Variants in XRCC4 observed in about 807,000 individuals in gnomAD.
XRCC4 encodes X-ray repair cross complementing 4.
A neutral mutation model predicts 39.1 loss-of-function variants in XRCC4; 28 were observed. The ratio of observed to expected loss-of-function variants is 0.72; its 90% CI spans 0.53 to 0.98. XRCC4 has a LOEUF of 0.98. Among genes scored for constraint, XRCC4 ranks in the 50% least tolerant of loss-of-function variants. XRCC4 has a pLI of 0.00. For synonymous variants in XRCC4, 123 were observed against 126.4 expected (o/e 0.97, Z 0.18); for missense variants, 350 against 376.4 (o/e 0.93, Z 0.58).
chr5:83,312,042 C>A (rs929367362), intron 7 of XRCC4, among the ~76,000 whole-genome samples: 1 of 152,170 alleles, frequency 6.6e-6, no homozygotes, highest in Admixed American at 6.5e-5. Flanking sequence ...AACATATATT[C>A]TGCCACCACC....
chr5:83,236,578 A>G (rs1428374441), intron 6 of XRCC4, among the ~76,000 whole-genome samples: 1 of 152,164 alleles, frequency 6.6e-6, no homozygotes, highest in Non-Finnish European at 1.5e-5. Context: ...TGGATTAAAG[A>G]CTTAAATGTG....
intron 4 of XRCC4, among the ~76,000 whole-genome samples, chr5:83,202,853 C>T (rs969758046): frequency 6.6e-6 from 1 of 152,044 alleles, no homozygotes; most frequent in Non-Finnish European, 1.5e-5. Context: ...AATACAATCC[C>T]TTGTTAGCTC....
At chr5:83,126,253 T>G (rs1277023059) in intron 3 of XRCC4, among the ~76,000 whole-genome samples, 4 of 152,164 alleles carry the variant, frequency 2.6e-5, no homozygotes, top group African/African-American at 9.6e-5. Flanking sequence ...GCCTAAGTAT[T>G]TCAGTCTTTT....
At chr5:83,325,513 A>G (rs1336648167) in intron 7 of XRCC4, among the ~76,000 whole-genome samples, 2 of 151,980 alleles carry the variant, frequency 1.3e-5, no homozygotes, top group African/African-American at 2.4e-5. Flanking sequence ...CATTGTGTCC[A>G]TGCGTTCTCA....
chr5:83,295,430 T>C (rs1292137582), intron 7 of XRCC4, among the ~76,000 whole-genome samples: 1 of 152,050 alleles, frequency 6.6e-6, no homozygotes, highest in African/African-American at 2.4e-5. Context: ...AAAAACTTTA[T>C]AAATAAGCTG....
the XRCC4 span, among the ~76,000 whole-genome samples, chr5:83,373,027 A>T: frequency 6.6e-6 from 1 of 152,150 alleles, no homozygotes; most frequent in African/African-American, 2.4e-5. Context: ...CCAAGGGACC[A>T]GTTCTTTCGG....
chr5:83,354,540 G>C (rs371643389), downstream of XRCC4, among the ~76,000 whole-genome samples: 28 of 152,236 alleles, frequency 1.8e-4, 1 homozygote, highest in South Asian at 5.8e-3. Flanking sequence ...AGTTTCTTAA[G>C]ATTTCTTAAA....
chr5:83,362,199 T>C, the XRCC4 span, among the ~76,000 whole-genome samples: 3 of 147,610 alleles, frequency 2.0e-5, no homozygotes, highest in African/African-American at 7.5e-5. Flanking sequence ...TCTAGTGAAG[T>C]AATATGATTA....
the XRCC4 span, among the ~76,000 whole-genome samples, chr5:83,370,887 T>C: frequency 6.6e-6 from 1 of 152,182 alleles, no homozygotes; most frequent in South Asian, 2.1e-4. Context: ...ATGCCAACTC[T>C]TTCTCCTGCT....
At chr5:83,272,981 A>C (rs1754195701) in intron 7 of XRCC4, among the ~76,000 whole-genome samples, 1 of 152,200 alleles carries the variant, frequency 6.6e-6, no homozygotes, top group Non-Finnish European at 1.5e-5. Flanking sequence ...TTCTGGTTCT[A>C]GATCCTTGAG....
At chr5:83,132,433 G>A (rs1414507181) in intron 3 of XRCC4, among the ~76,000 whole-genome samples, 3 of 152,020 alleles carry the variant, frequency 2.0e-5, no homozygotes, top group Non-Finnish European at 1.5e-5. Context: ...GGCCTTCCTT[G>A]CTAGGTTGGG....
At chr5:83,222,435 T>G (rs982235035) in intron 6 of XRCC4, among the ~76,000 whole-genome samples, 15 of 152,190 alleles carry the variant, frequency 9.9e-5, no homozygotes, top group African/African-American at 3.4e-4. Context: ...CATAAAACAT[T>G]GTTATTGTAG....
At chr5:83,290,839 G>A (rs1754898730) in intron 7 of XRCC4, among the ~76,000 whole-genome samples, 2 of 151,722 alleles carry the variant, frequency 1.3e-5, no homozygotes, top group African/African-American at 4.8e-5. Flanking sequence ...ATGAATATTG[G>A]CAGGTAAAGA....
chr5:83,130,320 A>C (rs928202879), intron 3 of XRCC4, among the ~76,000 whole-genome samples: 25 of 152,312 alleles, frequency 1.6e-4, no homozygotes, highest in Admixed American at 4.6e-4. Flanking sequence ...GATGAAGTCA[A>C]CTTGATTGTG....
rs186609219 is a variant in XRCC4 at position 83,122,967 on chromosome 5, A to G, written c.315+11764A>G. Among the ~76,000 whole-genome samples, 132 of 152,192 alleles carry G rather than the reference A, an allele frequency of 8.7e-4. No homozygotes were observed. The Middle Eastern group carries it at 0.01, about 12-fold the overall frequency. ...TGGCACTGAATGTAACCGTTGTTCA[A>G]TGTTTTGTATGCACTTGAAAGAATT... On this transcript the variant is annotated intron_variant, in intron 3 of 7. Transcript: ENST00000396027.
chr5:83,325,140 C>A (rs956990725), intron 7 of XRCC4, among the ~76,000 whole-genome samples: 1 of 152,020 alleles, frequency 6.6e-6, no homozygotes, highest in African/African-American at 2.4e-5. Context: ...TTTCTGCCTC[C>A]TAATAAAAGC....
intron 3 of XRCC4, among the ~76,000 whole-genome samples, chr5:83,142,102 G>A (rs939605815): frequency 3.9e-5 from 6 of 152,062 alleles, no homozygotes; most frequent in African/African-American, 1.4e-4. Context: ...CATTTACATT[G>A]AATTGTGGGC....
chr5:83,264,767 A>G (rs142417991), intron 7 of XRCC4, among the ~76,000 whole-genome samples: 287 of 152,266 alleles, frequency 1.9e-3, no homozygotes, highest in Non-Finnish European at 3.1e-3. Context: ...AATATGGTGT[A>G]ATATGGGAGG....
At chr5:83,232,574 T>C (rs1253576157) in intron 6 of XRCC4, among the ~76,000 whole-genome samples, 1 of 152,086 alleles carries the variant, frequency 6.6e-6, no homozygotes, top group Non-Finnish European at 1.5e-5. Flanking sequence ...ATTGAGACTT[T>C]CACCTGAAAC....
Sources: allele counts gnomAD v4.1 joint callset (sites outside exome capture counted in the v4.1 genomes callset), GRCh38; gene constraint gnomAD v4.1.1; transcripts MANE v1.5; gene names NCBI Gene and HGNC (gene_info 2026-07-23, HGNC 2026-07-21).